CACNA2D1: variants seen among roughly 807,000 people sequenced by gnomAD.
The protein encoded by CACNA2D1 is voltage-dependent calcium channel subunit alpha-2/delta-1.
Under a neutral mutation model 171.5 loss-of-function variants are expected in CACNA2D1, and 53 were observed. The observed-to-expected ratio is 0.31, with a 90% CI of 0.25 to 0.39. The LOEUF is 0.39. CACNA2D1 is among the 10% of genes least tolerant of loss of function. CACNA2D1 has a pLI of 1.00. For missense variants in CACNA2D1, 903 were observed against 1,299.8 expected (o/e 0.69, Z 4.69); for synonymous variants, 442 against 443.1 (o/e 1.00, Z 0.03).
At chr7:82,152,737 C>A (rs1366838098) in intron 4 of CACNA2D1, among the ~76,000 whole-genome samples, 6 of 151,856 alleles carry the variant, frequency 4.0e-5, no homozygotes, top group Admixed American at 3.3e-4. Context: ...AGCCCCAGTC[C>A]TTAGAAAATG....
chr7:82,278,382 C>T (rs1223065078), intron 3 of CACNA2D1, among the ~76,000 whole-genome samples: 1 of 151,832 alleles, frequency 6.6e-6, no homozygotes, highest in African/African-American at 2.4e-5. Flanking sequence ...AGTTGGAGAC[C>T]AGCCTGGCCA....
intron 3 of CACNA2D1, among the ~76,000 whole-genome samples, chr7:82,196,510 A>G (rs1798867162): frequency 6.6e-6 from 1 of 152,080 alleles, no homozygotes; most frequent in Non-Finnish European, 1.5e-5. Context: ...GGTGCTGTGG[A>G]AAAAGATTCA....
At chr7:82,333,092 G>T (rs1048906888) in intron 3 of CACNA2D1, among the ~76,000 whole-genome samples, 2 of 152,072 alleles carry the variant, frequency 1.3e-5, no homozygotes, top group East Asian at 3.9e-4. Flanking sequence ...AATTTTTAAA[G>T]TTTATCAAAT....
At chr7:82,218,221 A>G (rs1447146157) in intron 3 of CACNA2D1, among the ~76,000 whole-genome samples, 1 of 152,160 alleles carries the variant, frequency 6.6e-6, no homozygotes, top group Non-Finnish European at 1.5e-5. Flanking sequence ...GGTGTAAGCC[A>G]CCGTGTCCGG....
intron 1 of CACNA2D1, among the ~76,000 whole-genome samples, chr7:82,350,277 ATCC>A (rs1819703188): frequency 6.6e-6 from 1 of 152,202 alleles, no homozygotes; most frequent in Non-Finnish European, 1.5e-5. Flanking sequence ...ATACTTGATT[ATCC>A]TCCTTTTTAA....
chr7:82,193,672 C>T (rs186546234), intron 3 of CACNA2D1, among the ~76,000 whole-genome samples: 1 of 151,914 alleles, frequency 6.6e-6, no homozygotes, highest in Non-Finnish European at 1.5e-5. Flanking sequence ...TACAATGTTT[C>T]GCAGGTTTGC....
chr7:82,145,109 G>C (rs1792826660), intron 4 of CACNA2D1, among the ~76,000 whole-genome samples: 1 of 151,030 alleles, frequency 6.6e-6, no homozygotes, highest in South Asian at 2.1e-4. Context: ...GAAAAGCTAA[G>C]ACTAGCAACA....
At chr7:82,057,855 A>C (rs1806138893) in intron 10 of CACNA2D1, among the ~76,000 whole-genome samples, 2 of 152,164 alleles carry the variant, frequency 1.3e-5, no homozygotes, top group South Asian at 4.1e-4. Flanking sequence ...ATTAGAGGAA[A>C]GAAAAGATGA....
At chr7:82,346,018 G>T (rs1272425748) in intron 2 of CACNA2D1, among the ~76,000 whole-genome samples, 4 of 152,142 alleles carry the variant, frequency 2.6e-5, no homozygotes, top group Non-Finnish European at 5.9e-5. Context: ...TTTTGAGTTA[G>T]ATGTGACTAA....
At chr7:82,312,164 A>C (rs562142977) in intron 3 of CACNA2D1, among the ~76,000 whole-genome samples, 1 of 152,344 alleles carries the variant, frequency 6.6e-6, no homozygotes, top group Non-Finnish European at 1.5e-5. Flanking sequence ...AAGGTTAATA[A>C]GACTAAAACG....
chr7:82,177,368 A>G (rs1254130878), intron 3 of CACNA2D1, among the ~76,000 whole-genome samples: 1 of 152,020 alleles, frequency 6.6e-6, no homozygotes, highest in Non-Finnish European at 1.5e-5. Context: ...ATATCATCTG[A>G]TATTGGTATT....
chr7:82,237,554 G>A (rs1803754607), intron 3 of CACNA2D1, among the ~76,000 whole-genome samples: 4 of 151,764 alleles, frequency 2.6e-5, no homozygotes, highest in Admixed American at 2.6e-4. Flanking sequence ...ATCAAATTAT[G>A]GGCAATTTAT....
intron 13 of CACNA2D1, 35 bp downstream of exon 13, chr7:82,014,366 T>C (rs1800167863): frequency 8.8e-7 from 1 of 1,137,134 alleles, no homozygotes; most frequent in African/African-American, 1.5e-5. Context: ...AAATAGTTTT[T>C]CTTCTAATTT....
At chr7:82,220,510 CTT>C (rs1204756967) in intron 3 of CACNA2D1, among the ~76,000 whole-genome samples, 2 of 152,002 alleles carry the variant, frequency 1.3e-5, no homozygotes, top group Non-Finnish European at 2.9e-5. Context: ...GTGTATGTGA[CTT>C]ATAGCTAGTA....
intron 6 of CACNA2D1, among the ~76,000 whole-genome samples, chr7:82,097,071 AT>A: frequency 6.6e-6 from 1 of 152,262 alleles, no homozygotes; most frequent in Admixed American, 6.5e-5. Flanking sequence ...GATAAGCAGT[AT>A]TAAAGAAAGG....
chr7:82,054,609 T>A (rs1360074022), intron 10 of CACNA2D1, among the ~76,000 whole-genome samples: 1 of 152,234 alleles, frequency 6.6e-6, no homozygotes, highest in Non-Finnish European at 1.5e-5. Context: ...TAAGCTTGAA[T>A]CCTTGTCTCA....
At chr7:82,262,057 T>G (rs759864362) in intron 3 of CACNA2D1, among the ~76,000 whole-genome samples, 1 of 152,162 alleles carries the variant, frequency 6.6e-6, no homozygotes, top group Non-Finnish European at 1.5e-5. Context: ...CAAGGCTGGG[T>G]GTGGTGGCTC....
intron 38 of CACNA2D1, 45 bp downstream of exon 38, chr7:81,959,230 A>T: frequency 7.7e-7 from 1 of 1,299,564 alleles, no homozygotes; most frequent in South Asian, 1.2e-5. Flanking sequence ...GCGGACAGTG[A>T]CCATTAATTT....
intron 7 of CACNA2D1, among the ~76,000 whole-genome samples, chr7:82,067,023 C>G (rs1408510578): frequency 2.6e-5 from 4 of 152,096 alleles, no homozygotes; most frequent in Non-Finnish European, 5.9e-5. Flanking sequence ...ATTAAAACAA[C>G]TCCATAGAAA....
Sources: gnomAD v4.1 joint callset for allele counts (sites outside exome capture counted in the v4.1 genomes callset) on GRCh38, gnomAD v4.1.1 for gene constraint, MANE v1.5 for transcripts, NCBI Gene and HGNC (gene_info 2026-07-23, HGNC 2026-07-21) for gene names.